Variants in HDLBP observed in about 807,000 individuals in gnomAD.
HDLBP encodes the protein vigilin.
Under a neutral mutation model 137.3 loss-of-function variants are expected in HDLBP, and 30 were observed. The observed-to-expected ratio is 0.22, with a 90% confidence interval of 0.16 to 0.30. The LOEUF is 0.30. Among genes scored for constraint, HDLBP ranks in the 10% least tolerant of loss-of-function variants. HDLBP has a pLI of 1.00. For synonymous variants in HDLBP, 606 were observed against 596.0 expected (o/e 1.02, Z -0.24); for missense variants, 1,119 against 1,667.3 (o/e 0.67, Z 5.73).
rs925377695 is a variant in HDLBP, at chr2:241,239,009, G to A, written c.2611-222C>T. On this transcript the variant is annotated intron_variant, in intron 19 of 27. Transcript: ENST00000310931. This position sits in a 1 kb window ranked among gnomAD's most constrained non-coding sequence, Gnocchi z 4.6. The stretch of plus-strand genomic sequence containing the variant: ...CTCTGAAATGTGTCCCAGAAGGCCA[G>A]GTGCCATCCCTGGAGGGTGGCCAAT... 6.6e-5 allele frequency among the ~76,000 whole-genome samples: 10 copies of A among 152,210 alleles called. No homozygotes were observed. The highest frequency in any genetic ancestry group is 2.4e-4 in the African/African-American group (10 of 41,456).
chr2:241,305,853 C>T (rs1179769741), intron 1 of HDLBP, among the ~76,000 whole-genome samples: 5 of 151,168 alleles, frequency 3.3e-5, no homozygotes, highest in South Asian at 2.1e-4. Flanking sequence ...TTCCGCCTCC[C>T]GGGTTCACGC....
At chr2:241,303,719 T>G (rs1319715110) in intron 1 of HDLBP, among the ~76,000 whole-genome samples, 8 of 152,236 alleles carry the variant, frequency 5.3e-5, no homozygotes, top group Admixed American at 4.6e-4. Flanking sequence ...TATTTCTACA[T>G]GAAGCATATC....
chr2:241,282,248 A>G (rs567685732), intron 1 of HDLBP, among the ~76,000 whole-genome samples: 1 of 152,358 alleles, frequency 6.6e-6, no homozygotes, highest in Admixed American at 6.5e-5. Flanking sequence ...GAAATGCAGG[A>G]AACATTTATT....
At chr2:241,268,423 C>A in intron 2 of HDLBP, 54 bp downstream of exon 2, 1 of 980,650 alleles carries the variant, frequency 1.0e-6, no homozygotes, top group Non-Finnish European at 1.2e-6. Flanking sequence ...CCCTGCGCCC[C>A]CAGGTCCACA....
chr2:241,310,507 T>C (rs1045061111), intron 1 of HDLBP, among the ~76,000 whole-genome samples: 5 of 152,198 alleles, frequency 3.3e-5, no homozygotes, highest in African/African-American at 9.6e-5. Flanking sequence ...AATCGTAACA[T>C]CACTTTGTAC....
intron 5 of HDLBP, among the ~76,000 whole-genome samples, chr2:241,257,350 A>C (rs918272569): frequency 2.0e-5 from 3 of 152,154 alleles, no homozygotes; most frequent in Non-Finnish European, 4.4e-5. Context: ...CTCCTGCCTC[A>C]GCCTCTCGAT....
intron 2 of HDLBP, 72 bp from the exon 3 acceptor site, chr2:241,266,978 G>T: frequency 8.7e-7 from 1 of 1,150,344 alleles, no homozygotes; most frequent in Non-Finnish European, 1.3e-6. Context: ...TAACCTAAGA[G>T]TTTTAGCAAA....
At chr2:241,264,424 T>TA in intron 4 of HDLBP, 24 bp downstream of exon 4, 1 of 1,539,928 alleles carries the variant, frequency 6.5e-7, no homozygotes, top group Middle Eastern at 1.8e-4. Context: ...ATAAAATTTT[T>TA]AAAAGAAAGA....
At chr2:241,229,732 C>T in intron 27 of HDLBP, 45 bp from the exon 28 acceptor site, 1 of 1,611,598 alleles carries the variant, frequency 6.2e-7, no homozygotes, top group Non-Finnish European at 8.5e-7. Context: ...TGCTCCCCAA[C>T]TCGCAAGCAG....
chr2:241,301,312 C>T (rs2075389824), intron 1 of HDLBP, among the ~76,000 whole-genome samples: 1 of 151,918 alleles, frequency 6.6e-6, no homozygotes, highest in Non-Finnish European at 1.5e-5. Context: ...TAAACCAATG[C>T]TATAAGACCA....
intron 16 of HDLBP, 29 bp downstream of exon 16, chr2:241,246,723 G>A: frequency 1.2e-6 from 2 of 1,604,796 alleles, no homozygotes. Context: ...TTTACTGGAG[G>A]ATCTCCATTA....
chr2:241,249,814 T>C (rs746582842), intron 12 of HDLBP, 27 bp downstream of exon 12: 2 of 1,580,100 alleles, frequency 1.3e-6, no homozygotes, highest in Admixed American at 3.7e-5. Flanking sequence ...CCAGTGCCTT[T>C]CTAGAGGGCC....
rs1360355807 is a variant in HDLBP, at chr2:241,228,907, C to T, written c.*694G>A. 6.5e-6 allele frequency: 1 copy of T among 152,816 alleles called. No individual in the cohort carries two copies. The highest frequency in any genetic ancestry group is 1.5e-5 in the Non-Finnish European group (1 of 68,336). 9.5% of individuals were successfully genotyped at this position (152,816 alleles called of 1,614,324 possible). A position where few individuals can be genotyped will look rare whatever the true frequency, so the allele number is the denominator to read the frequency against. The stretch of plus-strand genomic sequence containing the variant: ...TGGTGCCTACCACCTTGCCTCCAGG[C>T]TCCACTCACCAGACCTCAGGCTGAG... On this transcript the variant is annotated 3_prime_UTR_variant, in exon 28 of 28. Coordinates refer to ENST00000310931, the MANE Select transcript of HDLBP (RefSeq NM_005336.6).
At chr2:241,271,178 C>G in intron 1 of HDLBP, 1 of 970,858 alleles carries the variant, frequency 1.0e-6, no homozygotes, top group Non-Finnish European at 1.2e-6. Flanking sequence ...TGGCCCCAGT[C>G]CCTTCGTGAT....
In HDLBP at chr2:241,240,005, A is replaced by G; in HGVS notation, c.2287T>C (p.Phe763Leu). 6.2e-7 allele frequency: 1 copy of G among 1,614,220 alleles called. No individual in the cohort carries two copies. The highest frequency in any genetic ancestry group is 8.5e-7 in the Non-Finnish European group (1 of 1,180,030). Residue 763 changes from phenylalanine to leucine, a missense_variant, in exon 18 of 28, where the codon TTC (phenylalanine) becomes CTC (leucine). Physicochemically the swap from Phe to Leu is conservative, Grantham distance 22. This residue lies in a region of HDLBP where 618 missense variants were observed against 816.7 expected (regional missense o/e 0.76). Coordinates refer to ENST00000310931, the MANE Select transcript of HDLBP (RefSeq NM_005336.6). This position sits in a 1 kb window ranked among gnomAD's most constrained non-coding sequence, Gnocchi z 5.5. ...VRDSTGARVIFPAAEDKDQDL... is the reference protein window; with the variant it reads ...VRDSTGARVILPAAEDKDQDL... ...TGGTCCTTGTCCTCAGCCGCAGGGA[A>G]GATGACACGTGCTCCAGTGCTGTCG...
chr2:241,239,554 G>C lies in HDLBP; in HGVS notation c.2610+48C>G, dbSNP rs761861290. On this transcript the variant is annotated intron_variant, in intron 19 of 27. Transcript: ENST00000310931. This position sits in a 1 kb window ranked among gnomAD's most constrained non-coding sequence, Gnocchi z 4.6. Reference sequence around the variant, plus strand: ...GAACACTCATACACGGCTTCGGTGAGTGGCCACTGGGGGGTGAGAACCCCT... The same window carrying C: ...GAACACTCATACACGGCTTCGGTGACTGGCCACTGGGGGGTGAGAACCCCT... The C allele has an allele frequency of 4.0e-6, 6 of 1,493,506 alleles. No homozygotes were observed. The highest frequency in any genetic ancestry group is 5.6e-6 in the Non-Finnish European group (6 of 1,073,056). 92.5% of individuals were successfully genotyped at this position (1,493,506 alleles called of 1,614,324 possible).
intron 1 of HDLBP, among the ~76,000 whole-genome samples, chr2:241,280,444 G>A (rs562118167): frequency 6.6e-6 from 1 of 152,266 alleles, no homozygotes; most frequent in South Asian, 2.1e-4. Flanking sequence ...GCAGTCCAGG[G>A]TTTCCTGTAA....
At chr2:241,260,989 G>C (rs756101809) in intron 5 of HDLBP, among the ~76,000 whole-genome samples, 21 of 151,942 alleles carry the variant, frequency 1.4e-4, no homozygotes, top group Non-Finnish European at 2.1e-4. Context: ...CTAGGGGTTT[G>C]AGACCAGAGT....
chr2:241,249,402 T>C, intron 12 of HDLBP: 1 of 474,006 alleles, frequency 2.1e-6, no homozygotes, highest in Admixed American at 2.3e-5. Flanking sequence ...GTATGAAACG[T>C]CGGGGAGCCC....
Sources: gnomAD v4.1 joint callset for allele counts (sites outside exome capture counted in the v4.1 genomes callset) on GRCh38, gnomAD v4.1.1 for gene constraint, gnomAD v4.1.1 regional missense constraint, Gnocchi (gnomAD v3.1) non-coding constraint, MANE v1.5 for transcripts, NCBI Gene and HGNC (gene_info 2026-07-23, HGNC 2026-07-21) for gene names.